The following ZDBF2 variants were observed in gnomAD, a reference collection of about 807,000 sequenced individuals.
The protein encoded by ZDBF2 is DBF4-type zinc finger-containing protein 2.
Under a neutral mutation model 9.4 loss-of-function variants are expected in ZDBF2, and 6 were observed. The ratio of observed to expected loss-of-function variants is 0.64; its 90% CI spans 0.35 to 1.27. The LOEUF (loss-of-function observed/expected upper bound fraction) is 1.27. ZDBF2 is among the 50% of genes most tolerant of loss of function. The probability of loss-of-function intolerance (pLI) is 0.03; values close to 1 mark genes in which losing one functional copy is unlikely to be tolerated. For missense variants in ZDBF2, 2,697 were observed against 2,766.8 expected, an observed-to-expected ratio of 0.97 and a Z score of 0.57; for synonymous variants, 905 against 946.3, an observed-to-expected ratio of 0.96 and a Z score of 0.80.
At position 206,308,643 on chromosome 2, in the gene ZDBF2, A is replaced by T; in HGVS notation, c.4115A>T (p.Asp1372Val). The change falls in exon 5 of 5, where the codon GAC becomes GTC. Residue 1372 changes from aspartate to valine, a missense_variant. By Grantham distance (152) the Asp-to-Val change is radical. Coordinates refer to ENST00000374423, the MANE Select transcript of ZDBF2 (RefSeq NM_020923.3). ...YSPEESSDSN[D>V]SFQAAADELQ... ...CCTGAAGAAAGTTCTGATTCCAATGACTCTTTTCAGGCAGCAGCAGATGAG... is the reference window on the plus strand; with the variant it reads ...CCTGAAGAAAGTTCTGATTCCAATGTCTCTTTTCAGGCAGCAGCAGATGAG... The T allele has an allele frequency of 6.2e-7, 1 of 1,612,568 alleles. No individual in the cohort carries two copies. Among genetic ancestry groups the T allele is most frequent in the Non-Finnish European group, 8.5e-7 (1 of 1,179,828 alleles).
chr2:206,293,379 A>G (rs1048492490), intron 3 of ZDBF2, among the ~76,000 whole-genome samples: 9 of 152,214 alleles, frequency 5.9e-5, no homozygotes, highest in Admixed American at 5.2e-4. Context: ...GAAAATCTCT[A>G]TGACTTTGAT....
At chr2:206,304,678 A>G (rs1371955724) in intron 4 of ZDBF2, 39 bp from the exon 5 acceptor site, 1 of 1,551,404 alleles carries the variant, frequency 6.4e-7, no homozygotes, top group Non-Finnish European at 8.7e-7. Flanking sequence ...TTAAACAGAC[A>G]TTAGAATATG....
Position 206,311,719 on chromosome 2 carries a change from A to G in ZDBF2, c.*126A>G. ...AATCTTGAACTATTTTGCTATAAAT[A>G]TTATTTTTCAGAATTTTTATATTCA... On this transcript the variant is annotated 3_prime_UTR_variant, in exon 5 of 5. Coordinates refer to ENST00000374423, the MANE Select transcript of ZDBF2 (RefSeq NM_020923.3). 2 of 1,024,338 alleles carry G rather than the reference A, an allele frequency of 2.0e-6. No homozygotes were observed. Among genetic ancestry groups the G allele is most frequent in the Non-Finnish European group, 2.6e-6 (2 of 782,050 alleles). 63.5% of individuals were successfully genotyped at this position (1,024,338 alleles called of 1,614,324 possible). A position where few individuals can be genotyped will look rare whatever the true frequency, so the allele number is the denominator to read the frequency against.
intron 3 of ZDBF2, among the ~76,000 whole-genome samples, chr2:206,289,301 G>A (rs930988218): frequency 6.6e-6 from 1 of 152,128 alleles, no homozygotes; most frequent in East Asian, 1.9e-4. Context: ...AGGTATTGGG[G>A]TGTGTGACTA....
rs140586737 is a variant in ZDBF2, at chr2:206,288,549, C to T, written c.60+6640C>T. On this transcript the variant is annotated intron_variant, in intron 3 of 4. Coordinates refer to ENST00000374423, the MANE Select transcript of ZDBF2 (RefSeq NM_020923.3). ...AAGCAGCTTTAGTAGCACTGTGTTC[C>T]GGTTGCAGGTGCTTGGAGTGGTTGT... 3.0e-3 allele frequency among the ~76,000 whole-genome samples: 461 copies of T among 152,172 alleles called. 1 individual carries two copies. Among genetic ancestry groups the T allele is most frequent in the Middle Eastern group, 0.01 (3 of 294 alleles).
At position 206,310,237 on chromosome 2, in the gene ZDBF2, T is replaced by G; in HGVS notation, c.5709T>G (p.Ile1903Met). The change falls in exon 5 of 5, where the codon ATT (isoleucine) becomes ATG (methionine). Residue 1903 changes from isoleucine to methionine, a missense_variant. Around this residue, in one of 3 missense-constraint regions of ZDBF2, gnomAD observed 1,783 missense variants for 1,776.5 expected, o/e 1.00. Transcript: ENST00000374423. ...AGAGTGATGATATTGTCTGTGGTAT[T>G]TCAGATATTGATGACTTGTCAGTGG... is the stretch of plus-strand genomic sequence containing the variant. The part of the protein sequence containing the change: ...VSESDDIVCG[I>M]SDIDDLSVAL... The G allele has an allele frequency of 1.9e-6, 3 of 1,613,906 alleles. No individual in the cohort carries two copies. Among genetic ancestry groups the G allele is most frequent in the Non-Finnish European group, 2.5e-6 (3 of 1,179,878 alleles).
rs1387310367 is a variant in ZDBF2 at position 206,308,296 on chromosome 2, A to C, written c.3768A>C (p.Gln1256His). 7 of 1,613,914 alleles carry C rather than the reference A, an allele frequency of 4.3e-6. No homozygotes were observed. The highest frequency in any genetic ancestry group is 5.9e-6 in the Non-Finnish European group (7 of 1,179,848). Residue 1256 changes from glutamine (Q) to histidine (H), a missense_variant, in exon 5 of 5, where the codon CAA becomes CAC. By Grantham distance (24) the Gln-to-His change is conservative. Transcript: ENST00000374423. ...DSDVLQPVAG[Q>H]PEEVVKEVSL... ...ATGTTCTTCAGCCAGTGGCTGGCCA[A>C]CCTGAAGAAGTAGTTAAGGAGGTCA...
chr2:206,279,600 AT>A lies in ZDBF2; in HGVS notation c.-50+14del, dbSNP rs1486198568. The A allele has an allele frequency of 3.9e-5, 6 of 152,122 alleles. No homozygotes were observed. The highest frequency in any genetic ancestry group is 8.8e-5 in the Non-Finnish European group (6 of 68,028). The allele number at this position is 152,122 out of a possible 1,614,324, so 9.4% of individuals were successfully genotyped here. A position where few individuals can be genotyped will look rare whatever the true frequency, so the allele number is the denominator to read the frequency against. On this transcript the variant is annotated intron_variant, in intron 2 of 4. Transcript: ENST00000374423. The stretch of plus-strand genomic sequence containing the variant: ...TGACCTTTTCTGCTCCAGGTAAATA[AT>A]TTTTTACTTTATAAAAATATCAGGT...
Position 206,309,985 on chromosome 2 carries a change from C to T in ZDBF2, c.5457C>T (p.Ala1819=), listed in dbSNP as rs377456761. The T allele has an allele frequency of 8.7e-6, 14 of 1,612,826 alleles. No individual in the cohort carries two copies. In the African/African-American group the frequency reaches 1.5e-4, roughly 17 times the overall value. Reference sequence around the variant, plus strand: ...ATCCTGATGAACCAGTTCTTGAAGCCTTGCCTCATGTACCTCCTTCATTTG... The same window carrying T: ...ATCCTGATGAACCAGTTCTTGAAGCTTTGCCTCATGTACCTCCTTCATTTG... ...EDNPDEPVLE[A]LPHVPPSFVG... is the part of the protein sequence containing the mutation. Residue 1819 remains alanine (A), a synonymous_variant, in exon 5 of 5, where the codon GCC becomes GCT. Transcript: ENST00000374423.
intron 3 of ZDBF2, among the ~76,000 whole-genome samples, chr2:206,284,258 C>T (rs991036758): frequency 1.3e-5 from 2 of 151,754 alleles, no homozygotes; most frequent in Non-Finnish European, 2.9e-5. Context: ...CCCTGTGCTA[C>T]CCATAGTGGA....
intron 2 of ZDBF2, among the ~76,000 whole-genome samples, chr2:206,281,201 G>C (rs1172619532): frequency 2.0e-5 from 3 of 152,034 alleles, no homozygotes; most frequent in Non-Finnish European, 4.4e-5. Context: ...ACAGTAATAG[G>C]AAAAAAATCC....
chr2:206,292,878 A>T (rs76680660), intron 3 of ZDBF2, among the ~76,000 whole-genome samples: 1,712 of 152,288 alleles, frequency 0.011, 36 homozygotes, highest in African/African-American at 0.039. Flanking sequence ...TCAATATTGT[A>T]AACATGTCAG....
In ZDBF2 at chr2:206,308,074, G is replaced by A. The variant is rs1371393667; in HGVS notation, c.3546G>A (p.Gln1182=). 1.2e-6 allele frequency: 2 copies of A among 1,613,834 alleles called. No homozygotes were observed. The highest frequency in any genetic ancestry group is 2.7e-5 in the African/African-American group (2 of 74,922). Reference sequence around the variant, plus strand: ...GACCTCAAATAACTATTTTGGAGCAGGAGCACATTGAACTAGAAGGTAAGC... The same window carrying A: ...GACCTCAAATAACTATTTTGGAGCAAGAGCACATTGAACTAGAAGGTAAGC... The part of the protein sequence containing the change: ...VNRPQITILE[Q]EHIELEGKHN... The change falls in exon 5 of 5, where the codon CAG becomes CAA. Residue 1182 remains glutamine (Q), a synonymous_variant. Transcript: ENST00000374423.
Position 206,311,239 on chromosome 2 carries a change from A to T in ZDBF2, c.6711A>T (p.Arg2237Ser). The T allele has an allele frequency of 6.2e-7, 1 of 1,611,560 alleles. No homozygotes were observed. The highest frequency in any genetic ancestry group is 8.5e-7 in the Non-Finnish European group (1 of 1,178,798). The stretch of plus-strand genomic sequence containing the variant: ...AATACTCTGTCTTTTTACGTCATAG[A>T]TATCAGTCCAGGAGCGCTTTTCTTG... ...ISKYSVFLRH[R>S]YQSRSAFLGR... The change falls in exon 5 of 5, where the codon AGA becomes AGT. Residue 2237 changes from arginine to serine, a missense_variant. Arg to Ser is a moderately radical substitution (Grantham distance 110). Coordinates refer to ENST00000374423, the MANE Select transcript of ZDBF2 (RefSeq NM_020923.3).
chr2:206,285,117 G>A (rs1574383551), intron 3 of ZDBF2, among the ~76,000 whole-genome samples: 1 of 152,330 alleles, frequency 6.6e-6, no homozygotes, highest in African/African-American at 2.4e-5. Flanking sequence ...ACATGGGGAT[G>A]CAGATATCTC....
Position 206,309,404 on chromosome 2 carries a change from A to G in ZDBF2, c.4876A>G (p.Asn1626Asp). 1 of 1,613,832 alleles carries G rather than the reference A, an allele frequency of 6.2e-7. No individual in the cohort carries two copies. Among genetic ancestry groups the G allele is most frequent in the South Asian group, 1.1e-5 (1 of 91,026 alleles). Residue 1626 changes from asparagine (N) to aspartate (D), a missense_variant, in exon 5 of 5, where the codon AAT becomes GAT. Physicochemically the swap from Asn to Asp is conservative, Grantham distance 23. Transcript: ENST00000374423. ...PSCQSCGSEM[N>D]FNVDASDQSM... The stretch of plus-strand genomic sequence containing the variant: ...TTGTCAATCTTGTGGTTCTGAAATG[A>G]ATTTTAATGTTGATGCCTCTGATCA...
In ZDBF2 at chr2:206,305,226, G is replaced by T. The variant is rs752698706; in HGVS notation, c.698G>T (p.Gly233Val). 2 of 1,613,728 alleles carry T rather than the reference G, an allele frequency of 1.2e-6. No homozygotes were observed. Among genetic ancestry groups the T allele is most frequent in the Non-Finnish European group, 1.7e-6 (2 of 1,179,816 alleles). The change falls in exon 5 of 5, where the codon GGG becomes GTG. Residue 233 changes from glycine (G) to valine (V), a missense_variant. Coordinates refer to ENST00000374423, the MANE Select transcript of ZDBF2 (RefSeq NM_020923.3). ...GAGAAATATCTTGAACAGCCAGATG[G>T]GGCCTCTAGAAATCCTGTGCCATCA... ...KVEKYLEQPD[G>V]ASRNPVPSSH...
Position 206,311,164 on chromosome 2 carries a change from A to C in ZDBF2, c.6636A>C (p.Ser2212=). 1 of 1,613,080 alleles carries C rather than the reference A, an allele frequency of 6.2e-7. No individual in the cohort carries two copies. The highest frequency in any genetic ancestry group is 2.2e-5 in the East Asian group (1 of 44,896). ...CCAGAAAAGCTTCAGAGAAACAGTC[A>C]ATTTGGATTCGGACCAAACCAAGTG... ...QKPRKASEKQ[S]IWIRTKPSDI... The change falls in exon 5 of 5, where the codon TCA becomes TCC. Residue 2212 remains serine, a synonymous_variant. Coordinates refer to ENST00000374423, the MANE Select transcript of ZDBF2 (RefSeq NM_020923.3).
At position 206,305,265 on chromosome 2, in the gene ZDBF2, C is replaced by G. The variant is rs1692716653; in HGVS notation, c.737C>G (p.Thr246Ser). 1 of 1,613,470 alleles carries G rather than the reference C, an allele frequency of 6.2e-7. No individual in the cohort carries two copies. Among genetic ancestry groups the G allele is most frequent in the Non-Finnish European group, 8.5e-7 (1 of 1,179,728 alleles). The change falls in exon 5 of 5, where the codon ACT becomes AGT. Residue 246 changes from threonine to serine, a missense_variant. Transcript: ENST00000374423. ...CCTGTGCCATCATCCCATGTAGAAACTACTTCATTTTCGTATCAGAAACAT... is the reference window on the plus strand; with the variant it reads ...CCTGTGCCATCATCCCATGTAGAAAGTACTTCATTTTCGTATCAGAAACAT... ...RNPVPSSHVETTSFSYQKHKE... is the reference protein window; with the variant it reads ...RNPVPSSHVESTSFSYQKHKE...
Sources: gnomAD v4.1 joint callset for allele counts (sites outside exome capture counted in the v4.1 genomes callset) on GRCh38, gnomAD v4.1.1 for gene constraint, gnomAD v4.1.1 regional missense constraint, MANE v1.5 for transcripts, NCBI Gene and HGNC (gene_info 2026-07-23, HGNC 2026-07-21) for gene names.